The following CDK13 variants were observed in gnomAD, a reference collection of about 807,000 sequenced individuals.
CDK13 encodes the protein cyclin-dependent kinase 13.
In CDK13, 40 loss-of-function variants were observed where a neutral mutation model predicts 137.6. The observed-to-expected ratio is 0.29, with a 90% CI of 0.23 to 0.38. The LOEUF (loss-of-function observed/expected upper bound fraction) is 0.38. CDK13 is among the 10% of genes least tolerant of loss of function. CDK13 has a pLI of 1.00. For missense variants in CDK13, 1,704 were observed against 1,951.8 expected, an observed-to-expected ratio of 0.87 and a Z score of 2.39; for synonymous variants, 869 against 760.1, an observed-to-expected ratio of 1.14 and a Z score of -2.36.
rs55813129 is a variant in CDK13, at chr7:39,988,220, T to G, written c.1833T>G (p.Pro611=). 5.5e-4 allele frequency: 889 copies of G among 1,610,164 alleles called. No homozygotes were observed. The highest frequency in any genetic ancestry group is 7.1e-4 in the Non-Finnish European group (839 of 1,179,022). The change falls in exon 2 of 14, where the codon CCT becomes CCG. Residue 611 remains proline (P), a synonymous_variant. Transcript: ENST00000181839. ...TCACCTCTACATTACCACCGTTACC[T>G]TTGCCTCCCATGCTGCCTGAAGATA... ...ALVTSTLPPL[P]LPPMLPEDKE... is the part of the protein sequence containing the mutation.
intron 2 of CDK13, among the ~76,000 whole-genome samples, chr7:39,995,982 C>A (rs1031897277): frequency 5.1e-4 from 78 of 152,294 alleles, no homozygotes; most frequent in South Asian, 8.3e-4. Context: ...TGCACTCCAG[C>A]CTGGGTGACA....
chr7:40,055,537 A>T (rs982954584), intron 7 of CDK13, among the ~76,000 whole-genome samples: 1 of 150,692 alleles, frequency 6.6e-6, no homozygotes, highest in African/African-American at 2.4e-5. Context: ...CAAATCTAAT[A>T]GCGCAAGTTT....
intron 9 of CDK13, among the ~76,000 whole-genome samples, chr7:40,066,517 A>G (rs1468413124): frequency 2.6e-5 from 4 of 152,184 alleles, no homozygotes; most frequent in Non-Finnish European, 5.9e-5. Context: ...TTAGTTTTCA[A>G]TTTTTATGCT....
intron 5 of CDK13, among the ~76,000 whole-genome samples, chr7:40,043,865 T>G (rs1785672629): frequency 6.6e-6 from 1 of 151,176 alleles, no homozygotes. Flanking sequence ...TACAGAGTTT[T>G]ACAATTTGGT....
At chr7:40,094,105 C>T (rs758026994) in intron 13 of CDK13, 25 bp from the exon 14 acceptor site, 2 of 1,604,294 alleles carry the variant, frequency 1.2e-6, no homozygotes, top group African/African-American at 1.3e-5. Flanking sequence ...AACTTTTGAC[C>T]TTGTTTTTGC....
chr7:40,016,786 T>C (rs1785013209), intron 5 of CDK13, among the ~76,000 whole-genome samples: 1 of 152,082 alleles, frequency 6.6e-6, no homozygotes, highest in African/African-American at 2.4e-5. Flanking sequence ...ATAAAAGAAA[T>C]GTAATTTAAA....
chr7:39,951,820 C>G lies in CDK13; in HGVS notation c.1179C>G (p.Arg393=), dbSNP rs1304179863. Residue 393 remains arginine, a synonymous_variant, in exon 1 of 14, where the codon CGC becomes CGG. Transcript: ENST00000181839. ...SPSPYSSSSW[R]RSRSPYSPVL... ...GTCCCTACAGCAGCAGCAGCTGGCG[C>G]CGCTCTCGCAGTCCCTACAGCCCTG... The G allele has an allele frequency of 5.5e-6, 8 of 1,454,326 alleles. No homozygotes were observed. The highest frequency in any genetic ancestry group is 7.2e-6 in the Non-Finnish European group (8 of 1,112,734). 90.1% of individuals were successfully genotyped at this position (1,454,326 alleles called of 1,614,324 possible).
At position 40,021,096 on chromosome 7, in the gene CDK13, AACAAACGTATATATATATATATATATAC is replaced by A. The variant is rs1195744648; in HGVS notation, c.2353+19069_2353+19096del. On this transcript the variant is annotated intron_variant, in intron 5 of 13. Coordinates refer to ENST00000181839, the MANE Select transcript of CDK13 (RefSeq NM_003718.5). ...CAGAGCGAGATTCCATCTCAGAGCA[AACAAACGTATATATATATATATATATAC>A]ACACACACACACACACACACACACA... Among the ~76,000 whole-genome samples the A allele has an allele frequency of 2.6e-3, 309 of 118,530 alleles. 1 individual carries two copies. The highest frequency in any genetic ancestry group is 5.3e-3 in the Middle Eastern group (1 of 188). The allele number at this position is 118,530 out of a possible 152,430, so 77.8% of individuals were successfully genotyped here.
chr7:40,086,019 A>G (rs1000289838), intron 11 of CDK13, among the ~76,000 whole-genome samples: 3 of 152,198 alleles, frequency 2.0e-5, no homozygotes, highest in Admixed American at 6.5e-5. Context: ...TTTCTTTTGT[A>G]TATACTTTTT....
chr7:39,997,564 G>A lies in CDK13; in HGVS notation c.1942G>A (p.Asp648Asn). The A allele has an allele frequency of 6.2e-7, 1 of 1,605,474 alleles. No homozygotes were observed. The highest frequency in any genetic ancestry group is 8.5e-7 in the Non-Finnish European group (1 of 1,177,974). Residue 648 changes from aspartate (D) to asparagine (N), a missense_variant, in exon 3 of 14, where the codon GAT becomes AAT. Coordinates refer to ENST00000181839, the MANE Select transcript of CDK13 (RefSeq NM_003718.5). ...AAAGAAACTCCGATGTCTTCTTGCTGATTTACCGCTGCCCCCTGAGCTACC... is the reference window on the plus strand; with the variant it reads ...AAAGAAACTCCGATGTCTTCTTGCTAATTTACCGCTGCCCCCTGAGCTACC... ...VEKKLRCLLA[D>N]LPLPPELPGG...
chr7:40,055,039 A>G (rs1785981854), intron 7 of CDK13, among the ~76,000 whole-genome samples: 1 of 152,158 alleles, frequency 6.6e-6, no homozygotes, highest in African/African-American at 2.4e-5. Flanking sequence ...ATTGAAATGC[A>G]CAATAGTTAA....
rs1489480651 is a variant in CDK13 at position 39,979,199 on chromosome 7, TTTTC to T, written c.1212-8392_1212-8389del. ...TAAAAAAGACTAGTAACGTAGATTT[TTTTC>T]TTTCTTTTTTTTCTTTTTTTTTTTT... On this transcript the variant is annotated intron_variant, in intron 1 of 13. Transcript: ENST00000181839. 2.2e-3 allele frequency among the ~76,000 whole-genome samples: 328 copies of T among 147,722 alleles called. 3 individuals are homozygous for T. Among genetic ancestry groups the T allele is most frequent in the African/African-American group, 8.2e-3 (317 of 38,662 alleles).
At chr7:40,029,664 T>G (rs1018417682) in intron 5 of CDK13, among the ~76,000 whole-genome samples, 1 of 152,078 alleles carries the variant, frequency 6.6e-6, no homozygotes, top group African/African-American at 2.4e-5. Flanking sequence ...TTTTTTTTCT[T>G]TTTTTTGAGA....
Position 39,995,243 on chromosome 7 carries a change from A to G in CDK13, c.1872-2251A>G, listed in dbSNP as rs548155174. Among the ~76,000 whole-genome samples the G allele has an allele frequency of 2.6e-3, 397 of 152,316 alleles. 2 individuals carry two copies. Among genetic ancestry groups the G allele is most frequent in the Middle Eastern group, 6.8e-3 (2 of 292 alleles). On this transcript the variant is annotated intron_variant, in intron 2 of 13. Coordinates refer to ENST00000181839, the MANE Select transcript of CDK13 (RefSeq NM_003718.5). ...AAAGTAATATTCGATAATACACTGG[A>G]CATTTAATATAGATAGTCTTTTAAG...
chr7:39,999,114 A>C lies in CDK13; in HGVS notation c.2043-247A>C, dbSNP rs558898858. The C allele has an allele frequency of 3.9e-5, 12 of 306,614 alleles. No individual in the cohort carries two copies. In the South Asian group the frequency reaches 1.0e-3, roughly 26 times the overall value. 19.0% of individuals were successfully genotyped at this position (306,614 alleles called of 1,614,324 possible). On this transcript the variant is annotated intron_variant, in intron 3 of 13. Coordinates refer to ENST00000181839, the MANE Select transcript of CDK13 (RefSeq NM_003718.5). Reference sequence around the variant, plus strand: ...GAAAAGCCTTCATACAAGCTCTACTACTTTTTTTCTCAGTTTAAATACTTG... The same window carrying C: ...GAAAAGCCTTCATACAAGCTCTACTCCTTTTTTTCTCAGTTTAAATACTTG...
At chr7:39,989,133 A>G (rs1205519629) in intron 2 of CDK13, among the ~76,000 whole-genome samples, 1 of 145,970 alleles carries the variant, frequency 6.9e-6, no homozygotes, top group Non-Finnish European at 1.5e-5. Context: ...TAATGTGATT[A>G]TGCTTTCCTT....
At chr7:40,007,314 T>C (rs2116350184) in intron 5 of CDK13, among the ~76,000 whole-genome samples, 1 of 152,382 alleles carries the variant, frequency 6.6e-6, no homozygotes, top group South Asian at 2.1e-4. Flanking sequence ...TCCTCACATG[T>C]CACTCCCTGT....
At position 40,063,025 on chromosome 7, in the gene CDK13, G is replaced by A; in HGVS notation, c.2705G>A (p.Cys902Tyr). The A allele has an allele frequency of 6.2e-7, 1 of 1,613,376 alleles. No homozygotes were observed. Among genetic ancestry groups the A allele is most frequent in the Non-Finnish European group, 8.5e-7 (1 of 1,179,438 alleles). ...ATGACGGGTATTTTTTCCATTAGCT[G>A]TATCCTTGGCGAACTCTTCACTAAA... ...TPAIDVWSCGCILGELFTKKP... is the reference protein window; with the variant it reads ...TPAIDVWSCGYILGELFTKKP... The change falls in exon 9 of 14, where the codon TGT (cysteine) becomes TAT (tyrosine). Residue 902 changes from cysteine to tyrosine, a missense_variant and splice_region_variant. Physicochemically the swap from Cys to Tyr is radical, Grantham distance 194 (BLOSUM62 -2). Around this residue, in one of 5 missense-constraint regions of CDK13, gnomAD observed 130 missense variants for 362.4 expected, o/e 0.36. Coordinates refer to ENST00000181839, the MANE Select transcript of CDK13 (RefSeq NM_003718.5).
intron 9 of CDK13, chr7:40,069,203 T>G (rs1212298203): frequency 7.5e-6 from 3 of 398,656 alleles, no homozygotes; most frequent in Non-Finnish European, 1.5e-5. Context: ...CCACTGCCCT[T>G]TAGTCTGGGC....
Sources: gnomAD v4.1 joint callset for allele counts (sites outside exome capture counted in the v4.1 genomes callset) on GRCh38, gnomAD v4.1.1 for gene constraint, gnomAD v4.1.1 regional missense constraint, MANE v1.5 for transcripts, NCBI Gene and HGNC (gene_info 2026-07-23, HGNC 2026-07-21) for gene names.